The following MARCHF3 variants were observed in gnomAD, a reference collection of about 807,000 sequenced individuals.
The protein encoded by MARCHF3 is E3 ubiquitin-protein ligase MARCHF3.
A neutral mutation model predicts 24.2 loss-of-function variants in MARCHF3; 13 were observed. The observed-to-expected ratio is 0.54, with a 90% CI of 0.35 to 0.85. MARCHF3 has a LOEUF of 0.85. MARCHF3 is among the 40% of genes least tolerant of loss of function. The pLI, the probability that MARCHF3 is intolerant of heterozygous loss-of-function variation, is 0.01. For synonymous variants in MARCHF3, 144 were observed against 137.3 expected (o/e 1.05, Z -0.34); for missense variants, 276 against 325.0 (o/e 0.85, Z 1.16).
At chr5:126,909,701 G>C (rs979160534) in intron 3 of MARCHF3, among the ~76,000 whole-genome samples, 1 of 152,036 alleles carries the variant, frequency 6.6e-6, no homozygotes, top group Non-Finnish European at 1.5e-5. Flanking sequence ...ACTGACCTGG[G>C]CCCACTGTCT....
At chr5:127,021,535 A>G (rs1023673810) in intron 1 of MARCHF3, among the ~76,000 whole-genome samples, 2 of 152,234 alleles carry the variant, frequency 1.3e-5, no homozygotes, top group Non-Finnish European at 2.9e-5. Context: ...AAGAGACCAT[A>G]ATTAAAACAG....
chr5:126,877,339 A>G (rs1022542878), intron 4 of MARCHF3, among the ~76,000 whole-genome samples: 2 of 152,220 alleles, frequency 1.3e-5, no homozygotes, highest in Middle Eastern at 3.2e-3. Flanking sequence ...TGCTCAGATT[A>G]GAAACGAGCA....
intron 3 of MARCHF3, among the ~76,000 whole-genome samples, chr5:126,903,550 T>C (rs1754176683): frequency 6.6e-6 from 1 of 152,076 alleles, no homozygotes; most frequent in African/African-American, 2.4e-5. Context: ...CTCATAGTTT[T>C]ACTTCAATGA....
chr5:126,988,134 C>T lies in MARCHF3; in HGVS notation c.-57+42216G>A, dbSNP rs1285029968. ...AGCACACCCCGCCCCCGTCAAATCC[C>T]CAGGTATTTAAATCCTTTGAATCCC... is the stretch of plus-strand genomic sequence containing the variant. On this transcript the variant is annotated intron_variant, in intron 1 of 4. Transcript: ENST00000308660. Among the ~76,000 whole-genome samples, 4 of 152,226 alleles carry T rather than the reference C, an allele frequency of 2.6e-5. No homozygotes were observed. The East Asian group carries it at 7.7e-4, about 29-fold the overall frequency.
intron 3 of MARCHF3, among the ~76,000 whole-genome samples, chr5:126,908,138 G>A (rs1346155444): frequency 2.0e-5 from 3 of 152,154 alleles, no homozygotes; most frequent in Non-Finnish European, 4.4e-5. Flanking sequence ...TAAGAATGTT[G>A]AATATTGGCC....
intron 1 of MARCHF3, among the ~76,000 whole-genome samples, chr5:126,997,781 T>C (rs1751997705): frequency 6.6e-6 from 1 of 152,254 alleles, no homozygotes; most frequent in Non-Finnish European, 1.5e-5. Flanking sequence ...ATAATTCTCA[T>C]TGCCCATTTG....
At chr5:126,888,448 G>A (rs1753568604) in intron 3 of MARCHF3, among the ~76,000 whole-genome samples, 2 of 152,210 alleles carry the variant, frequency 1.3e-5, no homozygotes, top group South Asian at 4.1e-4. Flanking sequence ...GATTAGATCA[G>A]TGGCACAACA....
At chr5:126,900,848 C>A (rs1186020566) in intron 3 of MARCHF3, among the ~76,000 whole-genome samples, 1 of 151,800 alleles carries the variant, frequency 6.6e-6, no homozygotes, top group African/African-American at 2.4e-5. Flanking sequence ...ATTACAGGAG[C>A]CTGCCACCAC....
chr5:126,929,297 G>A (rs1196343026), intron 1 of MARCHF3, among the ~76,000 whole-genome samples: 2 of 152,094 alleles, frequency 1.3e-5, no homozygotes, highest in East Asian at 3.9e-4. Flanking sequence ...CAACTCTCAG[G>A]CAATACTAGC....
In MARCHF3 at chr5:126,945,709, T is replaced by C. The variant is rs529848857; in HGVS notation, c.-56-27482A>G. Among the ~76,000 whole-genome samples the C allele has an allele frequency of 1.7e-4, 26 of 152,200 alleles. 1 individual carries two copies. The highest frequency in any genetic ancestry group is 6.3e-4 in the African/African-American group (26 of 41,522). ...AAAGGTTGTAAGTATGGGGTCTGAG[T>C]TCAGAGTCAGAGAGATGGTGTTTGA... On this transcript the variant is annotated intron_variant, in intron 1 of 4. Transcript: ENST00000308660.
intron 3 of MARCHF3, among the ~76,000 whole-genome samples, chr5:126,908,435 C>T (rs1198701563): frequency 6.6e-6 from 1 of 152,312 alleles, no homozygotes; most frequent in Non-Finnish European, 1.5e-5. Flanking sequence ...TGGTTCCATT[C>T]TCCCTGTCAC....
At chr5:126,914,639 G>T in intron 3 of MARCHF3, 1 of 499,626 alleles carries the variant, frequency 2.0e-6, no homozygotes, top group East Asian at 3.0e-5. Flanking sequence ...GAAAAATGGA[G>T]ATCAAGTCTC....
At chr5:126,991,071 T>C (rs1751741907) in intron 1 of MARCHF3, among the ~76,000 whole-genome samples, 1 of 152,190 alleles carries the variant, frequency 6.6e-6, no homozygotes, top group African/African-American at 2.4e-5. Flanking sequence ...GGATTATAAA[T>C]CATGCTACTA....
chr5:126,978,274 C>G (rs1751270858), intron 1 of MARCHF3, among the ~76,000 whole-genome samples: 1 of 152,108 alleles, frequency 6.6e-6, no homozygotes, highest in Non-Finnish European at 1.5e-5. Flanking sequence ...CAGAAAGGGC[C>G]AAGGAGAGAG....
intron 1 of MARCHF3, among the ~76,000 whole-genome samples, chr5:127,019,340 C>T: frequency 6.6e-6 from 1 of 152,140 alleles, no homozygotes; most frequent in East Asian, 1.9e-4. Context: ...TACCCCATCC[C>T]CCAACATACC....
At chr5:126,876,690 A>G (rs6864861) in intron 4 of MARCHF3, among the ~76,000 whole-genome samples, 86,490 of 151,650 alleles carry the variant, frequency 0.57, 25,553 homozygotes, top group East Asian at 0.79. Flanking sequence ...TCACTCTGTC[A>G]CCAAGGCTGG....
At chr5:126,888,628 A>G (rs1753573305) in intron 3 of MARCHF3, among the ~76,000 whole-genome samples, 1 of 152,250 alleles carries the variant, frequency 6.6e-6, no homozygotes, top group Non-Finnish European at 1.5e-5. Context: ...GGCATATCTG[A>G]TCAATGTAAA....
chr5:126,928,735 T>G (rs1749381236), intron 1 of MARCHF3, among the ~76,000 whole-genome samples: 1 of 152,172 alleles, frequency 6.6e-6, no homozygotes, highest in African/African-American at 2.4e-5. Flanking sequence ...TTCATAAAAA[T>G]TATTTACACT....
At chr5:126,996,386 T>C (rs1245469714) in intron 1 of MARCHF3, among the ~76,000 whole-genome samples, 1 of 152,034 alleles carries the variant, frequency 6.6e-6, no homozygotes. Context: ...CAGATGCAAA[T>C]AGGTTGGTGA....
Sources: gnomAD v4.1 joint callset for allele counts (sites outside exome capture counted in the v4.1 genomes callset) on GRCh38, gnomAD v4.1.1 for gene constraint, MANE v1.5 for transcripts, NCBI Gene and HGNC (gene_info 2026-07-23, HGNC 2026-07-21) for gene names.